EDA: variants seen among roughly 807,000 people sequenced by gnomAD.
EDA encodes the protein ectodysplasin-A.
A neutral mutation model predicts 23.6 loss-of-function variants in EDA; 2 were observed. The ratio of observed to expected loss-of-function variants is 0.08; its 90% CI spans 0.03 to 0.27. The LOEUF (loss-of-function observed/expected upper bound fraction) is 0.27, where lower values mean the gene tolerates loss of function less well. Ranked by LOEUF, EDA falls within the 10% of genes least tolerant of loss-of-function variation. The pLI is 1.00. For missense variants in EDA, 229 were observed against 324.2 expected (o/e 0.71, Z 2.26); for synonymous variants, 131 against 132.0 (o/e 0.99, Z 0.05).
chrX:69,719,279 A>G (rs779995462), intron 1 of EDA, among the ~76,000 whole-genome samples: 1 of 110,003 alleles, frequency 9.1e-6, no homozygotes, highest in East Asian at 2.8e-4. Flanking sequence ...TTTATTGCAT[A>G]AGACTGAATT....
chrX:69,758,922 C>T (rs1311524252), intron 1 of EDA, among the ~76,000 whole-genome samples: 2 of 111,984 alleles, frequency 1.8e-5, no homozygotes, highest in African/African-American at 3.2e-5. Flanking sequence ...CTTATGAAAC[C>T]GATTGTCAAG....
chrX:69,970,017 G>T (rs912719613), intron 2 of EDA, among the ~76,000 whole-genome samples: 2 of 111,162 alleles, frequency 1.8e-5, no homozygotes, highest in African/African-American at 6.6e-5. Flanking sequence ...GAGGCAGGAG[G>T]ATCACTTGAG....
rs764910179 is a variant in EDA at position 70,039,346 on chromosome X, G to A, written c.*3737G>A. 3.6e-5 allele frequency: 4 copies of A among 112,218 alleles called. No homozygotes were observed. Among genetic ancestry groups the A allele is most frequent in the Non-Finnish European group, 5.6e-5 (3 of 53,186 alleles). The allele number at this position is 112,218 out of a possible 1,213,427, so 9.2% of individuals were successfully genotyped here. A position where few individuals can be genotyped will look rare whatever the true frequency, so the allele number is the denominator to read the frequency against. On this transcript the variant is annotated 3_prime_UTR_variant, in exon 8 of 8. Coordinates refer to ENST00000374552, the MANE Select transcript of EDA (RefSeq NM_001399.5). ...AGCAGGCCCAATGCTGCTTTTGGGGGTCAGCATCCAGTGTGAGATACTGTG... is the reference window on the plus strand; with the variant it reads ...AGCAGGCCCAATGCTGCTTTTGGGGATCAGCATCCAGTGTGAGATACTGTG...
At chrX:70,004,663 G>C (rs1405356250) in intron 2 of EDA, among the ~76,000 whole-genome samples, 4 of 112,191 alleles carry the variant, frequency 3.6e-5, no homozygotes, top group African/African-American at 9.7e-5. Context: ...TCTTTTTCTT[G>C]AATAAAATGT....
intron 1 of EDA, among the ~76,000 whole-genome samples, chrX:69,896,941 T>C (rs1453677091): frequency 8.9e-6 from 1 of 112,009 alleles, no homozygotes; most frequent in Admixed American, 9.5e-5. Context: ...TTTAAGGAGT[T>C]TTCTACTTAA....
Position 69,956,297 on chromosome X carries a change from TTCTTTCTTTCTTTC to T in EDA, c.397-722_397-709del, listed in dbSNP as rs1415438540. Among the ~76,000 whole-genome samples, 148 of 102,244 alleles carry T rather than the reference TTCTTTCTTTCTTTC, an allele frequency of 1.4e-3. 2 individuals are homozygous for T. Among genetic ancestry groups the T allele is most frequent in the African/African-American group, 4.5e-3 (125 of 27,996 alleles). The allele number at this position is 102,244 out of a possible 115,157, so 88.8% of individuals were successfully genotyped here. ...TTTCTTTCTTTCTTTCTTTCTTTCT[TTCTTTCTTTCTTTC>T]TCTTTCTCTTTCTCTTTCTCTTTCT... On this transcript the variant is annotated intron_variant, in intron 1 of 7. Transcript: ENST00000374552.
intron 1 of EDA, among the ~76,000 whole-genome samples, chrX:69,646,477 GT>G (rs201415725): frequency 2.2e-3 from 242 of 111,522 alleles, no homozygotes; most frequent in Non-Finnish European, 3.4e-3. Context: ...TTTAAAGTCT[GT>G]TTTGTCAGAA....
chrX:69,840,169 C>T (rs2016864938), intron 1 of EDA, among the ~76,000 whole-genome samples: 1 of 110,187 alleles, frequency 9.1e-6, no homozygotes, highest in South Asian at 4.0e-4. Context: ...CTAATTCAGG[C>T]TTTGCACATG....
At chrX:70,033,640 T>C in intron 7 of EDA, 112 bp downstream of exon 7, 1 of 965,475 alleles carries the variant, frequency 1.0e-6, no homozygotes, top group Admixed American at 2.5e-5. Context: ...AACTTCCTGC[T>C]TTGGGTGAGG....
At chrX:69,766,674 T>C (rs753020247) in intron 1 of EDA, among the ~76,000 whole-genome samples, 1 of 112,543 alleles carries the variant, frequency 8.9e-6, no homozygotes, top group African/African-American at 3.2e-5. Context: ...TACCACACTT[T>C]CTTAATCCAG....
At chrX:69,988,022 A>T (rs1302340380) in intron 2 of EDA, among the ~76,000 whole-genome samples, 1 of 112,034 alleles carries the variant, frequency 8.9e-6, no homozygotes, top group African/African-American at 3.3e-5. Context: ...CCACCATCTC[A>T]TGTCATTGCT....
chrX:69,782,786 G>C (rs1202429092), intron 1 of EDA, among the ~76,000 whole-genome samples: 1 of 111,887 alleles, frequency 8.9e-6, no homozygotes, highest in Non-Finnish European at 1.9e-5. Context: ...ACTTGACAAA[G>C]TATCTAAAAT....
At chrX:69,708,146 C>G (rs949323720) in intron 1 of EDA, among the ~76,000 whole-genome samples, 1 of 111,914 alleles carries the variant, frequency 8.9e-6, no homozygotes, top group Non-Finnish European at 1.9e-5. Flanking sequence ...CTAAATTTAA[C>G]AGAGTTTAAT....
At chrX:69,652,790 T>C (rs754982308) in intron 1 of EDA, among the ~76,000 whole-genome samples, 1 of 112,041 alleles carries the variant, frequency 8.9e-6, no homozygotes, top group South Asian at 3.7e-4. Flanking sequence ...TTAGAGAATA[T>C]TATATTGCTA....
At chrX:69,998,471 G>A (rs1470998720) in intron 2 of EDA, among the ~76,000 whole-genome samples, 1 of 112,219 alleles carries the variant, frequency 8.9e-6, no homozygotes, top group Non-Finnish European at 1.9e-5. Context: ...AGGCAGAAGG[G>A]ACTTGCCTTG....
intron 1 of EDA, among the ~76,000 whole-genome samples, chrX:69,856,646 G>A (rs1185986128): frequency 1.8e-5 from 2 of 110,881 alleles, no homozygotes; most frequent in Admixed American, 1.9e-4. Context: ...ATGTTTGTTG[G>A]CTGTTTGTAT....
At chrX:69,861,692 A>G (rs1210094741) in intron 1 of EDA, among the ~76,000 whole-genome samples, 1 of 109,346 alleles carries the variant, frequency 9.1e-6, no homozygotes, top group Non-Finnish European at 1.9e-5. Flanking sequence ...AGAATAAAAG[A>G]CAAATACTAA....
At chrX:69,636,036 C>T (rs958747460) in intron 1 of EDA, among the ~76,000 whole-genome samples, 1 of 110,732 alleles carries the variant, frequency 9.0e-6, no homozygotes, top group Non-Finnish European at 1.9e-5. Flanking sequence ...CCTGTCACTG[C>T]ACTTAACTAT....
intron 4 of EDA, among the ~76,000 whole-genome samples, chrX:70,029,031 A>G (rs1198546897): frequency 8.9e-6 from 1 of 112,752 alleles, no homozygotes; most frequent in Non-Finnish European, 1.9e-5. Context: ...CACTTTCTGT[A>G]TACAAAGAGA....
Sources: gnomAD v4.1 joint callset for allele counts (sites outside exome capture counted in the v4.1 genomes callset) on GRCh38, gnomAD v4.1.1 for gene constraint, MANE v1.5 for transcripts, NCBI Gene and HGNC (gene_info 2026-07-23, HGNC 2026-07-21) for gene names.